CSMD1: variants seen among roughly 807,000 people sequenced by gnomAD.
The protein encoded by CSMD1 is CUB and Sushi multiple domains 1, also known as CUB and sushi domain-containing protein 1.
A neutral mutation model predicts 417.5 loss-of-function variants in CSMD1; 213 were observed. That is an observed-to-expected ratio of 0.51 (90% CI 0.46 to 0.57). The LOEUF is 0.57. Ranked by LOEUF, CSMD1 falls within the 20% of genes least tolerant of loss-of-function variation. CSMD1 has a pLI of 0.00. For missense variants in CSMD1, 6,923 were observed against 4,529.7 expected (o/e 1.53, Z -15.17); for synonymous variants, 2,862 against 1,736.8 (o/e 1.65, Z -16.11).
chr8:3,259,746 G>A (rs1342276648), intron 26 of CSMD1, among the ~76,000 whole-genome samples: 3 of 152,166 alleles, frequency 2.0e-5, no homozygotes, highest in Non-Finnish European at 4.4e-5. Flanking sequence ...GTGTTAAATG[G>A]TCTAAAACAT....
chr8:4,168,032 G>A (rs1797552436), intron 3 of CSMD1, among the ~76,000 whole-genome samples: 1 of 151,968 alleles, frequency 6.6e-6, no homozygotes, highest in South Asian at 2.1e-4. Context: ...AGGAAGCTGA[G>A]GCCGTAGAAT....
intron 2 of CSMD1, among the ~76,000 whole-genome samples, chr8:4,599,251 C>G (rs576499137): frequency 2.5e-4 from 38 of 152,238 alleles, no homozygotes; most frequent in Non-Finnish European, 5.1e-4. Context: ...TAATTCTACC[C>G]CATGTGTCCA....
intron 5 of CSMD1, among the ~76,000 whole-genome samples, chr8:3,813,218 A>T (rs1246004916): frequency 6.6e-6 from 1 of 152,084 alleles, no homozygotes; most frequent in Non-Finnish European, 1.5e-5. Flanking sequence ...TTGCTAATAA[A>T]AAAGAGGGTG....
intron 23 of CSMD1, among the ~76,000 whole-genome samples, chr8:3,330,077 G>C (rs1806793744): frequency 1.3e-5 from 2 of 152,140 alleles, no homozygotes; most frequent in African/African-American, 2.4e-5. Flanking sequence ...CCCCATCCCT[G>C]GGTGCAGCTC....
intron 7 of CSMD1, among the ~76,000 whole-genome samples, chr8:3,627,387 C>G (rs1796544852): frequency 6.6e-6 from 1 of 152,086 alleles, no homozygotes; most frequent in African/African-American, 2.4e-5. Flanking sequence ...TATATATATC[C>G]TTAAAGAAAT....
intron 25 of CSMD1, among the ~76,000 whole-genome samples, chr8:3,286,948 T>C (rs898191469): frequency 3.9e-5 from 6 of 152,218 alleles, no homozygotes; most frequent in African/African-American, 1.4e-4. Context: ...AGGGTTTTTA[T>C]GGTTTTAGTT....
At chr8:4,410,705 T>C (rs976539799) in intron 3 of CSMD1, among the ~76,000 whole-genome samples, 2 of 152,116 alleles carry the variant, frequency 1.3e-5, no homozygotes, top group African/African-American at 4.8e-5. Context: ...AAAAAAATCT[T>C]GGGAGAGAAG....
chr8:3,213,863 T>C (rs1797746149), intron 30 of CSMD1, among the ~76,000 whole-genome samples: 2 of 151,242 alleles, frequency 1.3e-5, no homozygotes, highest in East Asian at 1.9e-4. Context: ...TACACATATA[T>C]ATATATATAT....
intron 5 of CSMD1, among the ~76,000 whole-genome samples, chr8:3,895,992 A>G (rs184543039): frequency 2.0e-5 from 3 of 152,330 alleles, no homozygotes; most frequent in African/African-American, 7.2e-5. Flanking sequence ...ATTACTGTAA[A>G]TCATTCAGTG....
Position 4,184,254 on chromosome 8 carries a change from A to G in CSMD1, c.416-152155T>C, listed in dbSNP as rs530249447. Among the ~76,000 whole-genome samples the G allele has an allele frequency of 2.0e-5, 3 of 152,348 alleles. No individual in the cohort carries two copies. The East Asian group carries it at 5.8e-4, about 29-fold the overall frequency. ...ACAATATATTTATTTAGCATTCAGC[A>G]CAGCCCATATGCTCATTTATAATCT... On this transcript the variant is annotated intron_variant, in intron 3 of 69. Transcript: ENST00000635120.
chr8:3,047,821 G>C (rs187009476), intron 50 of CSMD1, among the ~76,000 whole-genome samples: 29 of 152,306 alleles, frequency 1.9e-4, no homozygotes, highest in African/African-American at 6.5e-4. Flanking sequence ...GAAAACACTT[G>C]AGTGTGTCTA....
At chr8:3,482,160 CCAGA>C (rs1447051164) in intron 11 of CSMD1, among the ~76,000 whole-genome samples, 2 of 151,966 alleles carry the variant, frequency 1.3e-5, no homozygotes, top group African/African-American at 4.8e-5. Flanking sequence ...TAATAAAATG[CCAGA>C]CAAAGCACTA....
chr8:3,070,986 C>A (rs775401614), intron 49 of CSMD1, among the ~76,000 whole-genome samples: 2 of 152,160 alleles, frequency 1.3e-5, no homozygotes, highest in South Asian at 2.1e-4. Context: ...CTGGGGAGAC[C>A]TGAGGGAGAT....
At chr8:3,154,027 T>C (rs1190760484) in intron 39 of CSMD1, among the ~76,000 whole-genome samples, 2 of 152,168 alleles carry the variant, frequency 1.3e-5, no homozygotes, top group African/African-American at 2.4e-5. Context: ...ACTGCAGTGG[T>C]GCAATCTCAG....
At chr8:4,649,412 C>G (rs916011810) in intron 1 of CSMD1, among the ~76,000 whole-genome samples, 2 of 152,130 alleles carry the variant, frequency 1.3e-5, no homozygotes, top group Admixed American at 6.5e-5. Flanking sequence ...ATTATCATTC[C>G]TATTTTACTG....
intron 26 of CSMD1, among the ~76,000 whole-genome samples, chr8:3,246,113 C>T (rs970785023): frequency 3.9e-5 from 6 of 152,212 alleles, no homozygotes; most frequent in African/African-American, 4.8e-5. Context: ...TAAGAAGGCA[C>T]ATCGGTTCAT....
chr8:4,915,620 G>A (rs1045388882), intron 1 of CSMD1, among the ~76,000 whole-genome samples: 2 of 152,180 alleles, frequency 1.3e-5, no homozygotes, highest in Non-Finnish European at 2.9e-5. Flanking sequence ...TTGAACTCTG[G>A]GCTAGCAGTT....
At chr8:4,852,132 A>G (rs1375459556) in intron 1 of CSMD1, among the ~76,000 whole-genome samples, 1 of 152,240 alleles carries the variant, frequency 6.6e-6, no homozygotes, top group Non-Finnish European at 1.5e-5. Context: ...CCAACTGGGA[A>G]CACCATATAT....
chr8:4,280,628 T>G (rs1563381530), intron 3 of CSMD1, among the ~76,000 whole-genome samples: 1 of 152,218 alleles, frequency 6.6e-6, no homozygotes, highest in Non-Finnish European at 1.5e-5. Context: ...TGATAATAAC[T>G]TTGTAAATAA....
Sources: gnomAD v4.1 joint callset for allele counts (sites outside exome capture counted in the v4.1 genomes callset) on GRCh38, gnomAD v4.1.1 for gene constraint, MANE v1.5 for transcripts, NCBI Gene and HGNC (gene_info 2026-07-23, HGNC 2026-07-21) for gene names.